Variants in CELF4 observed in about 807,000 individuals in gnomAD.
The protein encoded by CELF4 is CUG-BP- and ETR-3-like factor 4.
Under a neutral mutation model 59.9 loss-of-function variants are expected in CELF4, and 18 were observed. That is an observed-to-expected ratio of 0.30 (90% CI 0.21 to 0.45). The LOEUF is 0.45. Ranked by LOEUF, CELF4 falls within the 20% of genes least tolerant of loss-of-function variation. The pLI is 1.00. For synonymous variants in CELF4, 261 were observed against 267.1 expected, an observed-to-expected ratio of 0.98 and a Z score of 0.22; for missense variants, 456 against 689.0, an observed-to-expected ratio of 0.66 and a Z score of 3.79.
At chr18:37,386,982 ACTGGTCCTGGGGCTCT>A (rs1464198588) in intron 2 of CELF4, among the ~76,000 whole-genome samples, 2 of 152,196 alleles carry the variant, frequency 1.3e-5, no homozygotes, top group African/African-American at 4.8e-5. Flanking sequence ...TGTGCCTCTC[ACTGGTCCTGGGGCTCT>A]CTTGGCGATA....
chr18:37,325,042 C>G (rs1335143619), intron 2 of CELF4, among the ~76,000 whole-genome samples: 2 of 152,030 alleles, frequency 1.3e-5, no homozygotes, highest in Non-Finnish European at 2.9e-5. Context: ...GAGAGGAGAG[C>G]AGGGAGCCAG....
At chr18:37,462,067 G>A (rs2099795084) in intron 2 of CELF4, among the ~76,000 whole-genome samples, 1 of 152,300 alleles carries the variant, frequency 6.6e-6, no homozygotes, top group African/African-American at 2.4e-5. Context: ...ACAGCAAATG[G>A]GTGGCAGAGC....
intron 2 of CELF4, among the ~76,000 whole-genome samples, chr18:37,325,442 G>A (rs2097274327): frequency 6.6e-6 from 1 of 152,240 alleles, no homozygotes; most frequent in Non-Finnish European, 1.5e-5. Context: ...CTGGGCAAAT[G>A]AAATCTCCCT....
At chr18:37,503,129 T>C (rs754843235) in intron 1 of CELF4, among the ~76,000 whole-genome samples, 41 of 152,182 alleles carry the variant, frequency 2.7e-4, no homozygotes, top group Non-Finnish European at 5.0e-4. Flanking sequence ...AGGCAGGGCT[T>C]GGACTTAAAT....
chr18:37,535,726 G>C (rs956384111), intron 1 of CELF4, among the ~76,000 whole-genome samples: 2 of 152,196 alleles, frequency 1.3e-5, no homozygotes, highest in Non-Finnish European at 2.9e-5. Flanking sequence ...GGAAAGGGGC[G>C]GCCACCAGGA....
At chr18:37,323,432 C>T (rs55905750) in intron 2 of CELF4, among the ~76,000 whole-genome samples, 31,681 of 152,112 alleles carry the variant, frequency 0.21, 3,359 homozygotes, top group Non-Finnish European at 0.22. Context: ...GAAGGAGGAA[C>T]GTAATGAAGT....
At position 37,274,301 on chromosome 18, in the gene CELF4, T is replaced by G. The variant is rs766300505; in HGVS notation, c.801+10A>C. ...CTTGAGAACCGCTGCCCGTGCGCGC[T>G]GCCACTTACTGCCTGAGCGTAGGCG... On this transcript the variant is annotated intron_variant, in intron 6 of 12. Coordinates refer to ENST00000420428, the MANE Select transcript of CELF4 (RefSeq NM_020180.4). 2 of 1,610,016 alleles carry G rather than the reference T, an allele frequency of 1.2e-6. No homozygotes were observed. The highest frequency in any genetic ancestry group is 1.1e-5 in the South Asian group (1 of 90,728).
intron 2 of CELF4, among the ~76,000 whole-genome samples, chr18:37,368,204 C>T (rs1367848325): frequency 6.6e-6 from 1 of 152,138 alleles, no homozygotes; most frequent in African/African-American, 2.4e-5. Context: ...TCAGCCTTCC[C>T]CTGCCCCCCA....
At chr18:37,380,297 G>T (rs538174037) in intron 2 of CELF4, among the ~76,000 whole-genome samples, 2 of 152,236 alleles carry the variant, frequency 1.3e-5, no homozygotes, top group South Asian at 2.1e-4. Flanking sequence ...CTTCCCCAGT[G>T]CTTATGTGGT....
At chr18:37,431,362 CTTTTTTTTT>C (rs35971960) in intron 2 of CELF4, among the ~76,000 whole-genome samples, 2 of 81,566 alleles carry the variant, frequency 2.5e-5, no homozygotes, top group South Asian at 4.4e-4. Context: ...CCTTTCTTTC[CTTTTTTTTT>C]TTTTTTTTTT....
chr18:37,517,700 A>G (rs2099952355), intron 1 of CELF4, among the ~76,000 whole-genome samples: 1 of 152,104 alleles, frequency 6.6e-6, no homozygotes, highest in African/African-American at 2.4e-5. Flanking sequence ...AAGTCTGGGA[A>G]AGGGCTCCTG....
chr18:37,501,741 G>C (rs1397272809), intron 1 of CELF4, among the ~76,000 whole-genome samples: 2 of 152,234 alleles, frequency 1.3e-5, no homozygotes, highest in African/African-American at 4.8e-5. Context: ...GGAGGGGAGG[G>C]CCTTGCAGTG....
chr18:37,278,581 G>T (rs1482146102), intron 3 of CELF4, among the ~76,000 whole-genome samples: 1 of 152,204 alleles, frequency 6.6e-6, no homozygotes, highest in Non-Finnish European at 1.5e-5. Flanking sequence ...CTCTTGTCAT[G>T]GTGGTGGCTA....
chr18:37,403,533 G>C (rs982015124), intron 2 of CELF4, among the ~76,000 whole-genome samples: 1 of 152,104 alleles, frequency 6.6e-6, no homozygotes, highest in Non-Finnish European at 1.5e-5. Context: ...GTTTGCATGT[G>C]ACTCCGTGTG....
At chr18:37,289,373 C>T (rs2095135568) in intron 3 of CELF4, among the ~76,000 whole-genome samples, 1 of 152,126 alleles carries the variant, frequency 6.6e-6, no homozygotes, top group Non-Finnish European at 1.5e-5. Context: ...TTACTCAGCT[C>T]AAGTGCTCCA....
intron 9 of CELF4, among the ~76,000 whole-genome samples, chr18:37,265,486 T>C (rs1273153453): frequency 2.0e-5 from 3 of 152,200 alleles, no homozygotes; most frequent in Non-Finnish European, 4.4e-5. Context: ...TGGCAGGCCC[T>C]CACTCCCACT....
intron 6 of CELF4, chr18:37,273,990 T>C: frequency 8.5e-7 from 1 of 1,183,284 alleles, no homozygotes; most frequent in East Asian, 5.9e-5. Flanking sequence ...CTCTCATCTG[T>C]GCTTCCTGGG....
At chr18:37,531,084 C>T (rs2099969162) in intron 1 of CELF4, among the ~76,000 whole-genome samples, 1 of 152,116 alleles carries the variant, frequency 6.6e-6, no homozygotes, top group Non-Finnish European at 1.5e-5. Flanking sequence ...GGTGAGGTCA[C>T]AGGCTTGTCG....
At chr18:37,289,313 G>T (rs1400163218) in intron 3 of CELF4, among the ~76,000 whole-genome samples, 7 of 151,124 alleles carry the variant, frequency 4.6e-5, no homozygotes, top group African/African-American at 1.7e-4. Context: ...TGGGGAGAAG[G>T]ATGGAAACTT....
Sources: gnomAD v4.1 joint callset for allele counts (sites outside exome capture counted in the v4.1 genomes callset) on GRCh38, gnomAD v4.1.1 for gene constraint, MANE v1.5 for transcripts, NCBI Gene and HGNC (gene_info 2026-07-23, HGNC 2026-07-21) for gene names.